POLA2: variants seen among roughly 807,000 people sequenced by gnomAD.
POLA2 encodes DNA polymerase alpha 2, accessory subunit, also known as DNA polymerase alpha subunit B.
POLA2 carries 47 observed loss-of-function variants against 82.8 expected under a neutral mutation model. The observed-to-expected ratio is 0.57, with a 90% CI of 0.45 to 0.72. The LOEUF is 0.72. POLA2 is among the 30% of genes least tolerant of loss of function. The probability of loss-of-function intolerance (pLI) is 0.00; values close to 1 mark genes in which losing one functional copy is unlikely to be tolerated. For synonymous variants in POLA2, 287 were observed against 286.8 expected, an observed-to-expected ratio of 1.00 and a Z score of -0.01; for missense variants, 634 against 728.1, an observed-to-expected ratio of 0.87 and a Z score of 1.49.
At chr11:65,286,507 A>G (rs143889193) in intron 10 of POLA2, among the ~76,000 whole-genome samples, 1 of 152,000 alleles carries the variant, frequency 6.6e-6, no homozygotes, top group African/African-American at 2.4e-5. Flanking sequence ...TCCCACTTCA[A>G]GTAACTAGAA....
At chr11:65,292,420 A>G (rs899146258) in intron 13 of POLA2, among the ~76,000 whole-genome samples, 2 of 152,210 alleles carry the variant, frequency 1.3e-5, no homozygotes, top group African/African-American at 4.8e-5. Flanking sequence ...AACCATGAGC[A>G]GGAAGGCTAT....
In POLA2 at chr11:65,287,858, G is replaced by T. The variant is rs1949713801; in HGVS notation, c.1131+18G>T. 1 of 1,610,914 alleles carries T rather than the reference G, an allele frequency of 6.2e-7. No individual in the cohort carries two copies. The highest frequency in any genetic ancestry group is 8.5e-7 in the Non-Finnish European group (1 of 1,178,404). ...GCATCCTGGTAAGAGGCACCAGTGG[G>T]AAAGCTGAGGAGTCAGCCTTGGAAA... On this transcript the variant is annotated intron_variant, in intron 11 of 17. Coordinates refer to ENST00000265465, the MANE Select transcript of POLA2 (RefSeq NM_002689.4).
At chr11:65,300,813 C>A (rs2137618406), downstream of POLA2, among the ~76,000 whole-genome samples, 1 of 152,340 alleles carries the variant, frequency 6.6e-6, no homozygotes, top group East Asian at 1.9e-4. Flanking sequence ...AACCACTGAC[C>A]TCAAGTGATC....
chr11:65,294,501 T>C, intron 14 of POLA2, 45 bp from the exon 15 acceptor site: 1 of 1,526,970 alleles, frequency 6.5e-7, no homozygotes, highest in Non-Finnish European at 9.1e-7. Context: ...AAGATGTTTC[T>C]AGCTTTGGCA....
intron 1 of POLA2, among the ~76,000 whole-genome samples, chr11:65,262,918 G>A: frequency 6.6e-6 from 1 of 152,148 alleles, no homozygotes; most frequent in Non-Finnish European, 1.5e-5. Flanking sequence ...TGGAGAAACA[G>A]ACAAGGAAAG....
rs980376542 is a variant in POLA2, at chr11:65,274,636, T to G, written c.355-1256T>G. Among the ~76,000 whole-genome samples the G allele has an allele frequency of 9.3e-5, 14 of 151,012 alleles. 1 individual carries two copies. ...CAGAGGTTGTAGTGAGCCGAGATCT[T>G]GCCACTGTGCCCCAGCGTGGGTGAC... On this transcript the variant is annotated intron_variant, in intron 4 of 17. Transcript: ENST00000265465.
At chr11:65,263,369 GC>G (rs1386160805) in intron 1 of POLA2, among the ~76,000 whole-genome samples, 1 of 151,602 alleles carries the variant, frequency 6.6e-6, no homozygotes, top group East Asian at 2.0e-4. Flanking sequence ...ACAGGCGCCC[GC>G]CACCAGGCCC....
intron 1 of POLA2, chr11:65,266,356 C>A (rs1328251232): frequency 1.6e-5 from 8 of 512,704 alleles, no homozygotes; most frequent in Non-Finnish European, 2.5e-5. Flanking sequence ...TTCCATGATT[C>A]TTTAATTGGT....
At chr11:65,270,607 A>G (rs1008545974) in intron 4 of POLA2, among the ~76,000 whole-genome samples, 1 of 151,788 alleles carries the variant, frequency 6.6e-6, no homozygotes, top group African/African-American at 2.4e-5. Flanking sequence ...AACCTTGGAG[A>G]CCTCCTTAAA....
intron 10 of POLA2, 37 bp from the exon 11 acceptor site, chr11:65,287,679 G>T: frequency 6.3e-7 from 1 of 1,585,964 alleles, no homozygotes; most frequent in Non-Finnish European, 8.6e-7. Context: ...TCTAATACTA[G>T]TCCTCTTCTA....
In POLA2 at chr11:65,288,512, GT is replaced by G. The variant is rs572913995; in HGVS notation, c.1132-521del. ...CATTTTTATTGTTCGTTTGTTTTTT[GT>G]TTTTTTTTTTTTTTTTGGGACAGAG... On this transcript the variant is annotated intron_variant, in intron 11 of 17. Transcript: ENST00000265465. Among the ~76,000 whole-genome samples the G allele has an allele frequency of 2.2e-3, 268 of 119,954 alleles. 1 individual carries two copies. The highest frequency in any genetic ancestry group is 8.1e-3 in the African/African-American group (249 of 30,888). 78.7% of individuals were successfully genotyped at this position (119,954 alleles called of 152,430 possible).
chr11:65,294,109 C>A, intron 13 of POLA2, 44 bp from the exon 14 acceptor site: 1 of 1,534,584 alleles, frequency 6.5e-7, no homozygotes, highest in Non-Finnish European at 9.0e-7. Flanking sequence ...AACTCAACTG[C>A]ACTCACTTTT....
In POLA2 at chr11:65,265,238, A is replaced by AGGG. The variant is rs541916063; in HGVS notation, c.80-1337_80-1335dup. Among the ~76,000 whole-genome samples the AGGG allele has an allele frequency of 6.2e-4, 91 of 146,450 alleles. 1 individual carries two copies. The highest frequency in any genetic ancestry group is 2.4e-3 in the South Asian group (11 of 4,564). On this transcript the variant is annotated intron_variant, in intron 1 of 17. Transcript: ENST00000265465. ...GTGCAACTCTGTCTCCAAAAAAAAA[A>AGGG]GGGGGGGGGCCTTGCCATCTTTAAA...
At chr11:65,282,582 G>A in intron 10 of POLA2, 61 bp downstream of exon 10, 4 of 1,417,324 alleles carry the variant, frequency 2.8e-6, no homozygotes, top group Non-Finnish European at 3.0e-6. Flanking sequence ...GAGTCCAGGA[G>A]TGCAGTTTCC....
At chr11:65,263,572 A>C (rs1485155805) in intron 1 of POLA2, among the ~76,000 whole-genome samples, 1 of 152,156 alleles carries the variant, frequency 6.6e-6, no homozygotes, top group East Asian at 1.9e-4. Context: ...TCACGCCTGT[A>C]ATCCCAGCAT....
intron 13 of POLA2, among the ~76,000 whole-genome samples, chr11:65,293,426 A>G (rs1949775729): frequency 6.6e-6 from 1 of 152,064 alleles, no homozygotes; most frequent in Non-Finnish European, 1.5e-5. Context: ...CTTGGCCAAC[A>G]TGGTGAAACC....
At chr11:65,295,738 C>A in intron 16 of POLA2, 126 bp from the exon 17 acceptor site, 2 of 1,333,122 alleles carry the variant, frequency 1.5e-6, no homozygotes, top group African/African-American at 1.4e-5. Flanking sequence ...CATTCTGCCC[C>A]ACACACACAG....
At chr11:65,269,542 A>G (rs1949500134) in intron 4 of POLA2, among the ~76,000 whole-genome samples, 1 of 152,176 alleles carries the variant, frequency 6.6e-6, no homozygotes, top group Non-Finnish European at 1.5e-5. Context: ...ACATTGAGTA[A>G]ACAATGGTGA....
At chr11:65,292,366 T>G (rs762710200) in intron 13 of POLA2, among the ~76,000 whole-genome samples, 1 of 152,266 alleles carries the variant, frequency 6.6e-6, no homozygotes, top group Non-Finnish European at 1.5e-5. Context: ...ATGCTGAGCA[T>G]AGTTGGGATG....
Sources: gnomAD v4.1 joint callset for allele counts (sites outside exome capture counted in the v4.1 genomes callset) on GRCh38, gnomAD v4.1.1 for gene constraint, MANE v1.5 for transcripts, NCBI Gene and HGNC (gene_info 2026-07-23, HGNC 2026-07-21) for gene names.